ANK1: variants seen among roughly 807,000 people sequenced by gnomAD.
The protein encoded by ANK1 is ankyrin 1.
In ANK1, 51 loss-of-function variants were observed where a neutral mutation model predicts 210.4. The observed-to-expected ratio is 0.24, with a 90% CI of 0.19 to 0.31. The LOEUF is 0.31. Among genes scored for constraint, ANK1 ranks in the 10% least tolerant of loss-of-function variants. ANK1 has a pLI of 1.00. For synonymous variants in ANK1, 967 were observed against 1,025.9 expected (o/e 0.94, Z 1.10); for missense variants, 2,051 against 2,504.4 (o/e 0.82, Z 3.86).
intron 24 of ANK1, among the ~76,000 whole-genome samples, chr8:41,697,573 C>A (rs1038099545): frequency 3.9e-5 from 6 of 152,088 alleles, no homozygotes; most frequent in African/African-American, 1.4e-4. Flanking sequence ...CCCGCTCTCC[C>A]TCCTGGTTCT....
Position 41,718,846 on chromosome 8 carries a change from G to A in ANK1, c.1108-642C>T, listed in dbSNP as rs150457377. ...TGCTTAGTGGGTAGAGGCCAGGGAC[G>A]CTGCTAAACATCCTACAACACACAA... On this transcript the variant is annotated intron_variant, in intron 10 of 42. Transcript: ENST00000289734. Among the ~76,000 whole-genome samples the A allele has an allele frequency of 2.1e-4, 32 of 152,276 alleles. No individual in the cohort carries two copies. In the East Asian group the frequency reaches 4.4e-3, roughly 21 times the overall value.
intron 1 of ANK1, among the ~76,000 whole-genome samples, chr8:41,883,440 ATGTTTGTTTGTTTGTT>A (rs10544043): frequency 1.3e-5 from 2 of 150,238 alleles, no homozygotes; most frequent in Non-Finnish European, 3.0e-5. Context: ...GAAGGATCTC[ATGTTTGTTTGTTTGTT>A]TGTTTGTTTG....
At chr8:41,711,264 T>C (rs1290176676) in intron 16 of ANK1, among the ~76,000 whole-genome samples, 1 of 152,146 alleles carries the variant, frequency 6.6e-6, no homozygotes, top group Non-Finnish European at 1.5e-5. Flanking sequence ...ATTTTCACTA[T>C]GTAAATGAAA....
Position 41,708,949 on chromosome 8 carries a change from A to G in ANK1, c.1827T>C (p.Ala609=). The change falls in exon 17 of 43, where the codon GCT becomes GCC. Residue 609 remains alanine (A), a synonymous_variant. Coordinates refer to ENST00000289734, the MANE Select transcript of ANK1 (RefSeq NM_000037.4). ...CCACCTCCACCTGGTTCTGCTTGGC[A>G]GCGATGTGCAAAGGGGTGTAGCCAT... ...AWNGYTPLHI[A]AKQNQVEVAR... is the part of the protein sequence containing the mutation. The G allele has an allele frequency of 6.2e-7, 1 of 1,614,074 alleles. No homozygotes were observed. Among genetic ancestry groups the G allele is most frequent in the Non-Finnish European group, 8.5e-7 (1 of 1,180,032 alleles).
chr8:41,707,812 A>C (rs1825030796), intron 17 of ANK1, among the ~76,000 whole-genome samples: 1 of 152,182 alleles, frequency 6.6e-6, no homozygotes, highest in East Asian at 1.9e-4. Flanking sequence ...TTTTGTACAA[A>C]ATGTGCCAGA....
Position 41,691,837 on chromosome 8 carries a change from GA to G in ANK1, c.3858+810del, listed in dbSNP as rs746860851. 2.0e-5 allele frequency among the ~76,000 whole-genome samples: 3 copies of G among 152,280 alleles called. No homozygotes were observed. The East Asian group carries it at 5.8e-4, about 29-fold the overall frequency. ...ACCCATAAATATGAGAATTAAATGA[GA>G]ATATGCAAGAAAAGCACTTTTAGTT... On this transcript the variant is annotated intron_variant, in intron 31 of 42. Transcript: ENST00000289734.
intron 2 of ANK1, among the ~76,000 whole-genome samples, chr8:41,735,292 G>C (rs1833147272): frequency 6.6e-6 from 1 of 152,158 alleles, no homozygotes; most frequent in African/African-American, 2.4e-5. Flanking sequence ...AATTCCAACG[G>C]ATGAGTCGAT....
intron 3 of ANK1, among the ~76,000 whole-genome samples, chr8:41,732,886 C>T (rs1483165974): frequency 6.6e-5 from 10 of 151,506 alleles, no homozygotes; most frequent in Admixed American, 3.9e-4. Context: ...TACAGGCGCC[C>T]GCCACCACGC....
Position 41,704,163 on chromosome 8 carries a change from G to T in ANK1, c.2197-24C>A. 6.2e-7 allele frequency: 1 copy of T among 1,606,206 alleles called. No homozygotes were observed. On this transcript the variant is annotated intron_variant, in intron 19 of 42. Coordinates refer to ENST00000289734, the MANE Select transcript of ANK1 (RefSeq NM_000037.4). The surrounding 1 kb of genome is among the most constrained non-coding windows in gnomAD (Gnocchi z 4.1). ...AGCTGCAAAGTGAGCAGACATTTAG[G>T]CAGGGTTAGCCAGCCACTAGACAGA...
Position 41,692,601 on chromosome 8 carries a change from G to A in ANK1, c.3858+47C>T, listed in dbSNP as rs376956758. The A allele has an allele frequency of 2.0e-5, 32 of 1,564,376 alleles. 1 individual carries two copies. The highest frequency in any genetic ancestry group is 9.5e-5 in the African/African-American group (7 of 73,846). On this transcript the variant is annotated intron_variant, in intron 31 of 42. Coordinates refer to ENST00000289734, the MANE Select transcript of ANK1 (RefSeq NM_000037.4). ...CTGGTAATGGTGTTCTGGAGAAAAC[G>A]GCAGGACGGTTTGTCCCAGAGGCGG...
chr8:41,738,962 A>G lies in ANK1; in HGVS notation c.130-4893T>C, dbSNP rs58480280. 6.0e-3 allele frequency among the ~76,000 whole-genome samples: 915 copies of G among 152,374 alleles called. 13 individuals carry two copies. The highest frequency in any genetic ancestry group is 0.021 in the African/African-American group (880 of 41,586). On this transcript the variant is annotated intron_variant, in intron 2 of 42. Coordinates refer to ENST00000289734, the MANE Select transcript of ANK1 (RefSeq NM_000037.4). ...ATATAAGAGTAAATGATTTCACTAA[A>G]TTAGAAGCTGGGGAGAAAAGCAATA... is the stretch of plus-strand genomic sequence containing the variant.
intron 16 of ANK1, among the ~76,000 whole-genome samples, chr8:41,712,918 G>T (rs541939465): frequency 6.6e-6 from 1 of 152,268 alleles, no homozygotes; most frequent in East Asian, 1.9e-4. Flanking sequence ...AGTCGACATC[G>T]CAGCGGGGCC....
At chr8:41,795,672 G>A (rs1848610939) in intron 1 of ANK1, among the ~76,000 whole-genome samples, 1 of 151,926 alleles carries the variant, frequency 6.6e-6, no homozygotes, top group South Asian at 2.1e-4. Context: ...AATACTGAAT[G>A]TTCTCAGTCA....
chr8:41,846,858 C>T (rs905164023), intron 1 of ANK1, among the ~76,000 whole-genome samples: 1 of 152,152 alleles, frequency 6.6e-6, no homozygotes, highest in African/African-American at 2.4e-5. Flanking sequence ...GCCTCAAGCA[C>T]ACAGTCCACC....
chr8:41,661,729 A>C, intron 41 of ANK1, 147 bp downstream of exon 41: 1 of 1,603,032 alleles, frequency 6.2e-7, no homozygotes. Flanking sequence ...GGGAGGTGTC[A>C]TGCAGACGGC....
chr8:41,856,457 C>T (rs1262856520), intron 1 of ANK1, among the ~76,000 whole-genome samples: 6 of 152,160 alleles, frequency 3.9e-5, no homozygotes, highest in East Asian at 1.9e-4. Flanking sequence ...AACCTGGATT[C>T]GAATCCCAGT....
intron 2 of ANK1, among the ~76,000 whole-genome samples, chr8:41,744,007 A>G (rs1033620743): frequency 1.3e-5 from 2 of 152,214 alleles, no homozygotes; most frequent in African/African-American, 4.8e-5. Context: ...CAGGGCAAGT[A>G]CAAAATGAGC....
chr8:41,840,658 C>G (rs976585412), intron 1 of ANK1, among the ~76,000 whole-genome samples: 1 of 152,190 alleles, frequency 6.6e-6, no homozygotes, highest in Non-Finnish European at 1.5e-5. Context: ...CTAAGAAGTC[C>G]CATCACGGGA....
intron 1 of ANK1, among the ~76,000 whole-genome samples, chr8:41,825,063 G>A (rs57661382): frequency 0.012 from 1,815 of 152,334 alleles, 35 homozygotes; most frequent in African/African-American, 0.042. Context: ...GCCCCTGAGC[G>A]TGGAGGCCAC....
Sources: allele counts gnomAD v4.1 joint callset (sites outside exome capture counted in the v4.1 genomes callset), GRCh38; gene constraint gnomAD v4.1.1; non-coding constraint Gnocchi (gnomAD v3.1); transcripts MANE v1.5; gene names NCBI Gene and HGNC (gene_info 2026-07-23, HGNC 2026-07-21).